The following TMEM131 variants were observed in gnomAD, a reference collection of about 807,000 sequenced individuals.
TMEM131 encodes the protein 2610524E03Rik.
TMEM131 carries 66 observed loss-of-function variants against 211.6 expected under a neutral mutation model. The observed-to-expected ratio is 0.31, with a 90% CI of 0.26 to 0.38. The LOEUF is 0.38. Ranked by LOEUF, TMEM131 falls within the 10% of genes least tolerant of loss-of-function variation. TMEM131 has a pLI of 1.00. For synonymous variants in TMEM131, 844 were observed against 841.3 expected (o/e 1.00, Z -0.06); for missense variants, 2,036 against 2,299.3 (o/e 0.89, Z 2.34).
chr2:97,857,539 T>C (rs1389146249), intron 5 of TMEM131, among the ~76,000 whole-genome samples: 1 of 152,246 alleles, frequency 6.6e-6, no homozygotes, highest in Non-Finnish European at 1.5e-5. Flanking sequence ...AAATAAAATG[T>C]ATAGTGCAAT....
chr2:97,936,727 T>G (rs1183560677), intron 1 of TMEM131, among the ~76,000 whole-genome samples: 1 of 152,194 alleles, frequency 6.6e-6, no homozygotes, highest in African/African-American at 2.4e-5. Context: ...AGTTGCCACC[T>G]TATATGTTAG....
chr2:97,991,948 T>C (rs1382339227), intron 1 of TMEM131, among the ~76,000 whole-genome samples: 3 of 152,158 alleles, frequency 2.0e-5, no homozygotes, highest in Non-Finnish European at 4.4e-5. Context: ...AGGAGGAAAA[T>C]GGTCATTAGC....
chr2:97,919,626 A>T (rs1676656726), intron 2 of TMEM131, among the ~76,000 whole-genome samples: 1 of 152,110 alleles, frequency 6.6e-6, no homozygotes, highest in Non-Finnish European at 1.5e-5. Context: ...GCCGGAGTGC[A>T]ATGGCACGAT....
At position 97,995,748 on chromosome 2, in the gene TMEM131, C is replaced by A. The variant is rs979869102; in HGVS notation, c.-86G>T. 4.8e-6 allele frequency: 5 copies of A among 1,043,658 alleles called. No homozygotes were observed. Among genetic ancestry groups the A allele is most frequent in the Admixed American group, 4.9e-5 (1 of 20,380 alleles). 64.6% of individuals were successfully genotyped at this position (1,043,658 alleles called of 1,614,324 possible). Reference sequence around the variant, plus strand: ...GGCGGCGCGGAAGCCGTGGTCCGGGCTCTGGCCGCGGCGCCGGGAGCGACA... The same window carrying A: ...GGCGGCGCGGAAGCCGTGGTCCGGGATCTGGCCGCGGCGCCGGGAGCGACA... On this transcript the variant is annotated 5_prime_UTR_variant, in exon 1 of 41. Coordinates refer to ENST00000186436, the MANE Select transcript of TMEM131 (RefSeq NM_015348.2).
At chr2:97,981,032 A>G (rs1048111792) in intron 1 of TMEM131, among the ~76,000 whole-genome samples, 18 of 72,250 alleles carry the variant, frequency 2.5e-4, no homozygotes, top group African/African-American at 1.1e-3. Flanking sequence ...ACACACCAAA[A>G]AAAAAAAAAA....
Position 97,859,351 on chromosome 2 carries a change from T to C in TMEM131, c.436A>G (p.Ile146Val), listed in dbSNP as rs1024312634. The part of the protein sequence containing the change: ...SSEETITLVS[I>V]SATTSHFHAS... ...TGAAAATGTGATGTTGTAGCAGATA[T>C]TGATACTAAAGTAATCGTTTCTTCA... Residue 146 changes from isoleucine (I) to valine (V), a missense_variant, in exon 5 of 41, where the codon ATA becomes GTA. Physicochemically the swap from Ile to Val is conservative, Grantham distance 29. Transcript: ENST00000186436. The C allele has an allele frequency of 1.9e-6, 3 of 1,601,634 alleles. No individual in the cohort carries two copies. Among genetic ancestry groups the C allele is most frequent in the Non-Finnish European group, 2.5e-6 (3 of 1,176,530 alleles).
chr2:97,795,179 A>G, intron 28 of TMEM131, 64 bp from the exon 29 acceptor site: 1 of 1,191,204 alleles, frequency 8.4e-7, no homozygotes, highest in Non-Finnish European at 1.2e-6. Context: ...TCTGCATATA[A>G]TACTGGTCCT....
Position 97,796,516 on chromosome 2 carries a change from C to T in TMEM131, c.3014-112G>A, listed in dbSNP as rs565738106. ...TATATGTCACAGGTTATAAACCATC[C>T]CTGCATGTCAGAGAGATCAGCTGTT... is the stretch of plus-strand genomic sequence containing the variant. On this transcript the variant is annotated intron_variant, in intron 27 of 40. Coordinates refer to ENST00000186436, the MANE Select transcript of TMEM131 (RefSeq NM_015348.2). The T allele has an allele frequency of 2.6e-4, 187 of 717,914 alleles. 1 individual carries two copies. The African/African-American group carries it at 3.0e-3, about 12-fold the overall frequency. The allele number at this position is 717,914 out of a possible 1,614,324, so 44.5% of individuals were successfully genotyped here.
At chr2:97,799,889 G>A (rs1051888434) in intron 25 of TMEM131, among the ~76,000 whole-genome samples, 1 of 152,086 alleles carries the variant, frequency 6.6e-6, no homozygotes, top group Non-Finnish European at 1.5e-5. Flanking sequence ...TGAATGTAGA[G>A]GCAGATATGA....
chr2:97,964,908 T>C (rs1678980983), intron 1 of TMEM131, among the ~76,000 whole-genome samples: 1 of 152,232 alleles, frequency 6.6e-6, no homozygotes, highest in Non-Finnish European at 1.5e-5. Flanking sequence ...AAAATATAGA[T>C]ACAATTCTTT....
intron 11 of TMEM131, chr2:97,827,365 G>A: frequency 1.1e-6 from 1 of 871,232 alleles, no homozygotes; most frequent in South Asian, 1.3e-5. Context: ...GAAAAAGGCA[G>A]CAGCGAAGGA....
intron 18 of TMEM131, among the ~76,000 whole-genome samples, chr2:97,810,111 T>C (rs557463983): frequency 6.6e-6 from 1 of 152,234 alleles, no homozygotes; most frequent in African/African-American, 2.4e-5. Flanking sequence ...ATAGATTATT[T>C]TAAAAAAGAA....
At chr2:97,976,929 A>G (rs1271837874) in intron 1 of TMEM131, among the ~76,000 whole-genome samples, 1 of 151,300 alleles carries the variant, frequency 6.6e-6, no homozygotes, top group Non-Finnish European at 1.5e-5. Flanking sequence ...TGACTTTTTA[A>G]TAGACACTAG....
At chr2:97,978,150 T>C (rs1343006050) in intron 1 of TMEM131, among the ~76,000 whole-genome samples, 1 of 152,162 alleles carries the variant, frequency 6.6e-6, no homozygotes, top group East Asian at 1.9e-4. Context: ...TGCCATTTCA[T>C]GAAAGATTTC....
At chr2:97,784,338 C>T (rs950481115) in intron 31 of TMEM131, among the ~76,000 whole-genome samples, 4 of 152,036 alleles carry the variant, frequency 2.6e-5, no homozygotes, top group African/African-American at 9.7e-5. Context: ...CAAACCTCAA[C>T]ACATTTAAAA....
chr2:97,766,443 G>A (rs374567216), intron 34 of TMEM131, 35 bp downstream of exon 34: 26 of 1,613,466 alleles, frequency 1.6e-5, no homozygotes, highest in South Asian at 7.7e-5. Flanking sequence ...GAAAAGATCC[G>A]TAAGACATGA....
At chr2:97,825,324 C>T (rs993686122) in intron 11 of TMEM131, among the ~76,000 whole-genome samples, 7 of 152,286 alleles carry the variant, frequency 4.6e-5, no homozygotes, top group East Asian at 1.9e-4. Flanking sequence ...GCATCTAGGT[C>T]GAAGGCCCAG....
In TMEM131 at chr2:97,792,785, C is replaced by T. The variant is rs1056284224; in HGVS notation, c.3745G>A (p.Ala1249Thr). Residue 1249 changes from alanine to threonine, a missense_variant, in exon 31 of 41, where the codon GCT (alanine) becomes ACT (threonine). Around this residue, in one of 3 missense-constraint regions of TMEM131, gnomAD observed 1,623 missense variants for 1,805.9 expected, o/e 0.90. Coordinates refer to ENST00000186436, the MANE Select transcript of TMEM131 (RefSeq NM_015348.2). Reference sequence around the variant, plus strand: ...GCAGACTGTGAAGAAGCTGCTTGAGCAGAAGTCCTACTAGAGGTACTTGAA... The same window carrying T: ...GCAGACTGTGAAGAAGCTGCTTGAGTAGAAGTCCTACTAGAGGTACTTGAA... ...NSSSTSSRTS[A>T]QAASSQSANK... The T allele has an allele frequency of 2.5e-6, 4 of 1,613,992 alleles. No individual in the cohort carries two copies. In the African/African-American group the frequency reaches 5.3e-5, roughly 22 times the overall value.
chr2:97,936,130 C>T (rs1051114986), intron 1 of TMEM131, among the ~76,000 whole-genome samples: 9 of 152,164 alleles, frequency 5.9e-5, no homozygotes, highest in Admixed American at 2.6e-4. Flanking sequence ...TGAAAAGCCT[C>T]GACCCTGGTA....
Sources: allele counts gnomAD v4.1 joint callset (sites outside exome capture counted in the v4.1 genomes callset), GRCh38; gene constraint gnomAD v4.1.1; regional missense constraint gnomAD v4.1.1; transcripts MANE v1.5; gene names NCBI Gene and HGNC (gene_info 2026-07-23, HGNC 2026-07-21).